The following CTNNAL1 variants were observed in gnomAD, a reference collection of about 807,000 sequenced individuals.
The protein encoded by CTNNAL1 is catenin alpha like 1, also known as alpha-catulin.
CTNNAL1 carries 69 observed loss-of-function variants against 93.6 expected under a neutral mutation model. The observed-to-expected ratio is 0.74, with a 90% CI of 0.61 to 0.90. CTNNAL1 has a LOEUF of 0.90. Among genes scored for constraint, CTNNAL1 ranks in the 40% least tolerant of loss-of-function variants. CTNNAL1 has a pLI of 0.00. For synonymous variants in CTNNAL1, 286 were observed against 305.4 expected, an observed-to-expected ratio of 0.94 and a Z score of 0.66; for missense variants, 836 against 862.0, an observed-to-expected ratio of 0.97 and a Z score of 0.38.
At chr9:109,012,724 G>A (rs1166428906) in intron 1 of CTNNAL1, among the ~76,000 whole-genome samples, 1 of 152,236 alleles carries the variant, frequency 6.6e-6, no homozygotes, top group Non-Finnish European at 1.5e-5. Context: ...GCAGGTTCAG[G>A]GGAAGGGGTA....
chr9:109,000,890 C>T (rs531788012), intron 1 of CTNNAL1, among the ~76,000 whole-genome samples: 7 of 151,494 alleles, frequency 4.6e-5, no homozygotes, highest in South Asian at 2.1e-4. Context: ...TGGCTGGGTG[C>T]GGTGGCTCAT....
chr9:108,955,000 T>C (rs1345892361), intron 12 of CTNNAL1, among the ~76,000 whole-genome samples: 1 of 152,050 alleles, frequency 6.6e-6, no homozygotes, highest in African/African-American at 2.4e-5. Flanking sequence ...TCTTACTCTG[T>C]TGGCCAGGCT....
chr9:108,946,693 C>A (rs28361177), intron 15 of CTNNAL1, among the ~76,000 whole-genome samples: 250 of 152,294 alleles, frequency 1.6e-3, no homozygotes, highest in South Asian at 2.9e-3. Flanking sequence ...TTGCTTTGTT[C>A]ACTTTTCTCC....
chr9:108,972,864 G>GGGGGGGGGGGGGCCCCCCC, intron 8 of CTNNAL1, 31 bp from the exon 9 acceptor site: 7 of 142,468 alleles, frequency 4.9e-5, no homozygotes, highest in East Asian at 4.4e-4. Flanking sequence ...GGGGGGGTGG[G>GGGGGGGGGGGGGCCCCCCC]AGGGTGGAGA....
intron 2 of CTNNAL1, among the ~76,000 whole-genome samples, chr9:108,998,725 G>T (rs982190843): frequency 2.0e-5 from 3 of 152,172 alleles, no homozygotes; most frequent in African/African-American, 7.2e-5. Context: ...AATACTAATG[G>T]ATACTAATGC....
intron 8 of CTNNAL1, among the ~76,000 whole-genome samples, chr9:108,973,049 C>T (rs1320535696): frequency 4.6e-5 from 7 of 152,122 alleles, no homozygotes; most frequent in African/African-American, 1.7e-4. Flanking sequence ...CACTGGTGAG[C>T]TTACAGTTTC....
intron 8 of CTNNAL1, among the ~76,000 whole-genome samples, chr9:108,975,639 G>A (rs1831246422): frequency 6.6e-6 from 1 of 152,086 alleles, no homozygotes; most frequent in South Asian, 2.1e-4. Context: ...ACTAAATGAA[G>A]ATTTAAATAA....
rs1410341923 is a variant in CTNNAL1 at position 108,943,062 on chromosome 9, A to T, written c.2056-18T>A. Reference sequence around the variant, plus strand: ...TTGTCAACCTACAATGACAAAAAGCATGCAAATGATATTCTAAAAGTAGTA... The same window carrying T: ...TTGTCAACCTACAATGACAAAAAGCTTGCAAATGATATTCTAAAAGTAGTA... On this transcript the variant is annotated intron_variant, in intron 17 of 18. Coordinates refer to ENST00000325551, the MANE Select transcript of CTNNAL1 (RefSeq NM_003798.4). The T allele has an allele frequency of 6.3e-7, 1 of 1,590,102 alleles. No individual in the cohort carries two copies. Among genetic ancestry groups the T allele is most frequent in the Non-Finnish European group, 8.5e-7 (1 of 1,169,814 alleles).
chr9:108,956,317 A>G (rs991558105), intron 11 of CTNNAL1, among the ~76,000 whole-genome samples: 1 of 152,246 alleles, frequency 6.6e-6, no homozygotes. Context: ...AATAAAGCAA[A>G]TAACAGGAGG....
At chr9:108,991,863 G>T in intron 3 of CTNNAL1, 1 of 555,214 alleles carries the variant, frequency 1.8e-6, no homozygotes, top group Non-Finnish European at 3.2e-6. Flanking sequence ...AGAAGTGATC[G>T]TACATACCCT....
chr9:108,982,216 T>C (rs1831453299), intron 6 of CTNNAL1, among the ~76,000 whole-genome samples: 1 of 152,150 alleles, frequency 6.6e-6, no homozygotes, highest in Admixed American at 6.5e-5. Context: ...CTCTGGTACT[T>C]AGTAGCCAGC....
At chr9:108,991,605 T>C (rs1217747766) in intron 3 of CTNNAL1, among the ~76,000 whole-genome samples, 1 of 152,188 alleles carries the variant, frequency 6.6e-6, no homozygotes, top group Non-Finnish European at 1.5e-5. Flanking sequence ...ATATTTGGCA[T>C]GTTAATCTGC....
At chr9:109,003,338 G>A (rs768932477) in intron 1 of CTNNAL1, among the ~76,000 whole-genome samples, 13 of 152,142 alleles carry the variant, frequency 8.5e-5, no homozygotes, top group Admixed American at 2.0e-4. Flanking sequence ...TAAGATAATC[G>A]TATTGGCAGA....
chr9:108,963,996 G>C (rs1313828496), intron 11 of CTNNAL1, among the ~76,000 whole-genome samples: 1 of 152,086 alleles, frequency 6.6e-6, no homozygotes, highest in Non-Finnish European at 1.5e-5. Context: ...CCCACACCAG[G>C]TATCTTATCA....
chr9:108,985,069 G>C (rs1270351427), intron 4 of CTNNAL1, among the ~76,000 whole-genome samples: 1 of 152,184 alleles, frequency 6.6e-6, no homozygotes, highest in Non-Finnish European at 1.5e-5. Context: ...TCTCCTCACA[G>C]AGCCCTCAAT....
intron 9 of CTNNAL1, among the ~76,000 whole-genome samples, chr9:108,971,541 C>G (rs1831118051): frequency 6.6e-6 from 1 of 152,170 alleles, no homozygotes; most frequent in Non-Finnish European, 1.5e-5. Context: ...GAATAAGTCT[C>G]ATGGGATCTG....
chr9:108,970,591 AT>A, intron 9 of CTNNAL1, 97 bp from the exon 10 acceptor site: 1 of 1,081,658 alleles, frequency 9.2e-7, no homozygotes, highest in Non-Finnish European at 1.2e-6. Context: ...TACAAATAAA[AT>A]TTCTTAAAAC....
At chr9:108,952,905 A>C (rs548412727) in intron 12 of CTNNAL1, among the ~76,000 whole-genome samples, 1 of 152,324 alleles carries the variant, frequency 6.6e-6, no homozygotes, top group Admixed American at 6.5e-5. Flanking sequence ...TGATATATTA[A>C]AATTAGCCAC....
Position 108,952,250 on chromosome 9 carries a change from C to T in CTNNAL1, c.1794G>A (p.Arg598=). Residue 598 remains arginine (R), a synonymous_variant, in exon 14 of 19, where the codon CGG becomes CGA. Transcript: ENST00000325551. ...DQENEIVQYG[R]NMSSMAYSLY... ...GAGAATAGGCCATACTGGACATGTTCCGTCCATATTGAACAATCTCATTCT... is the reference window on the plus strand; with the variant it reads ...GAGAATAGGCCATACTGGACATGTTTCGTCCATATTGAACAATCTCATTCT... The T allele has an allele frequency of 6.2e-7, 1 of 1,613,876 alleles. No individual in the cohort carries two copies. The highest frequency in any genetic ancestry group is 8.5e-7 in the Non-Finnish European group (1 of 1,179,756).
Sources: gnomAD v4.1 joint callset for allele counts (sites outside exome capture counted in the v4.1 genomes callset) on GRCh38, gnomAD v4.1.1 for gene constraint, MANE v1.5 for transcripts, NCBI Gene and HGNC (gene_info 2026-07-23, HGNC 2026-07-21) for gene names.